Variants in RLF observed in about 807,000 individuals in gnomAD.
RLF encodes the protein RLF zinc finger, also known as zinc finger protein Rlf.
Under a neutral mutation model 162.9 loss-of-function variants are expected in RLF, and 7 were observed. The observed-to-expected ratio is 0.04, with a 90% CI of 0.02 to 0.08. RLF has a LOEUF of 0.08. Among genes scored for constraint, RLF ranks in the 10% least tolerant of loss-of-function variants. The probability of loss-of-function intolerance (pLI) is 1.00; values close to 1 mark genes in which losing one functional copy is unlikely to be tolerated. For missense variants in RLF, 1,664 were observed against 2,244.7 expected (o/e 0.74, Z 5.23); for synonymous variants, 782 against 791.5 (o/e 0.99, Z 0.20).
At position 40,193,287 on chromosome 1, in the gene RLF, TTA is replaced by T. The variant is rs563163137; in HGVS notation, c.475-2343_475-2342del. 5.1e-3 allele frequency among the ~76,000 whole-genome samples: 775 copies of T among 152,304 alleles called. 8 individuals are homozygous for T. The highest frequency in any genetic ancestry group is 0.037 in the South Asian group (177 of 4,824). On this transcript the variant is annotated intron_variant, in intron 3 of 7. Coordinates refer to ENST00000372771, the MANE Select transcript of RLF (RefSeq NM_012421.4). ...TTTTTGTAGTTTTATAGATTTAACATTATTTTTAAAAAATAACTTTGCTATAT... is the reference window on the plus strand; with the variant it reads ...TTTTTGTAGTTTTATAGATTTAACATTTTTTAAAAAATAACTTTGCTATAT...
chr1:40,196,559 G>T (rs1227959550), intron 4 of RLF, among the ~76,000 whole-genome samples: 1 of 152,098 alleles, frequency 6.6e-6, no homozygotes, highest in Non-Finnish European at 1.5e-5. Flanking sequence ...GGCTGGAGTG[G>T]CACAATTATG....
At chr1:40,162,649 G>C (rs1642109527) in intron 1 of RLF, among the ~76,000 whole-genome samples, 1 of 152,120 alleles carries the variant, frequency 6.6e-6, no homozygotes, top group African/African-American at 2.4e-5. Flanking sequence ...TTGCTCTGTT[G>C]GTCCGGAGTA....
At chr1:40,214,607 C>G (rs1320338390) in intron 5 of RLF, among the ~76,000 whole-genome samples, 1 of 152,060 alleles carries the variant, frequency 6.6e-6, no homozygotes, top group South Asian at 2.1e-4. Context: ...ATTCAGAGAA[C>G]TAAAGGAAAC....
intron 6 of RLF, among the ~76,000 whole-genome samples, chr1:40,225,908 G>A (rs1423754883): frequency 7.4e-6 from 1 of 135,506 alleles, no homozygotes; most frequent in Admixed American, 7.6e-5. Context: ...AAAAAAAGCC[G>A]GATGGTAGTG....
chr1:40,185,389 C>T (rs1462792873), intron 1 of RLF, among the ~76,000 whole-genome samples: 1 of 150,156 alleles, frequency 6.7e-6, no homozygotes, highest in Non-Finnish European at 1.5e-5. Context: ...CTCGGCCTCC[C>T]AAAGTGCTGG....
At position 40,237,561 on chromosome 1, in the gene RLF, G is replaced by C. The variant is rs1402119249; in HGVS notation, c.2859G>C (p.Lys953Asn). Reference protein sequence around the residue: ...SSMAVCFDGTKFTCGFDGCGS... With the variant: ...SSMAVCFDGTNFTCGFDGCGS... ...TGGCAGTTTGTTTTGACGGGACTAA[G>C]TTTACCTGTGGTTTTGATGGCTGTG... Residue 953 changes from lysine to asparagine, a missense_variant, in exon 8 of 8, where the codon AAG (lysine) becomes AAC (asparagine). Lys to Asn is a moderately conservative substitution (Grantham distance 94, BLOSUM62 0). Transcript: ENST00000372771. The surrounding 1 kb of genome is among the most constrained non-coding windows in gnomAD (Gnocchi z 4.4). The C allele has an allele frequency of 1.2e-6, 2 of 1,614,132 alleles. No individual in the cohort carries two copies. The highest frequency in any genetic ancestry group is 2.7e-5 in the African/African-American group (2 of 75,038).
At chr1:40,220,981 A>G (rs901267499) in intron 5 of RLF, among the ~76,000 whole-genome samples, 2 of 151,604 alleles carry the variant, frequency 1.3e-5, no homozygotes, top group African/African-American at 4.8e-5. Flanking sequence ...AAAAAAAAAA[A>G]AAAAAAAAGG....
Position 40,170,603 on chromosome 1 carries a change from C to T in RLF, c.237+8967C>T, listed in dbSNP as rs148612746. ...GTTCTTTGAATATACAGTTGGTTCT[C>T]GCTATTTGCAGATACTGTATTTGTG... is the stretch of plus-strand genomic sequence containing the variant. On this transcript the variant is annotated intron_variant, in intron 1 of 7. Transcript: ENST00000372771. Among the ~76,000 whole-genome samples, 53 of 152,196 alleles carry T rather than the reference C, an allele frequency of 3.5e-4. 2 individuals are homozygous for T. The highest frequency in any genetic ancestry group is 1.9e-3 in the East Asian group (10 of 5,188).
At chr1:40,182,774 T>C (rs182947269) in intron 1 of RLF, among the ~76,000 whole-genome samples, 228 of 152,080 alleles carry the variant, frequency 1.5e-3, no homozygotes, top group African/African-American at 5.2e-3. Flanking sequence ...GATAGATAGA[T>C]AGATAGATAG....
At chr1:40,179,134 CT>C (rs1215760211) in intron 1 of RLF, among the ~76,000 whole-genome samples, 4 of 152,220 alleles carry the variant, frequency 2.6e-5, no homozygotes, top group African/African-American at 9.7e-5. Context: ...CACACCCAGC[CT>C]TTACCACCAT....
intron 5 of RLF, among the ~76,000 whole-genome samples, chr1:40,219,982 C>T (rs1570553930): frequency 6.6e-6 from 1 of 152,120 alleles, no homozygotes; most frequent in East Asian, 1.9e-4. Flanking sequence ...TGCGGTGGCT[C>T]ACGCCTGTAA....
At chr1:40,204,595 A>AT (rs1332294409) in intron 5 of RLF, among the ~76,000 whole-genome samples, 1 of 150,402 alleles carries the variant, frequency 6.6e-6, no homozygotes, top group African/African-American at 2.4e-5. Context: ...TTTATTTTTT[A>AT]TTTTTTTGGA....
Position 40,161,685 on chromosome 1 carries a change from G to A in RLF, c.237+49G>A, listed in dbSNP as rs747770389. On this transcript the variant is annotated intron_variant, in intron 1 of 7. Transcript: ENST00000372771. This position sits in a 1 kb window ranked among gnomAD's most constrained non-coding sequence, Gnocchi z 4.4. The stretch of plus-strand genomic sequence containing the variant: ...AGGGCGGCGGGGCGGGGAAGTCAGG[G>A]AAGGAGGCCCTGGATCCTCTGTAAG... 6.3e-7 allele frequency: 1 copy of A among 1,597,082 alleles called. No homozygotes were observed.
Position 40,236,298 on chromosome 1 carries a change from T to C in RLF, c.1596T>C (p.His532=). Reference sequence around the variant, plus strand: ...GAAGAAGAGATTTGACAGATCAGCATAAGGAGAAAAGAGACAAAAAACCTA... The same window carrying C: ...GAAGAAGAGATTTGACAGATCAGCACAAGGAGAAAAGAGACAAAAAACCTA... The part of the protein sequence containing the change: ...QYRRRDLTDQ[H]KEKRDKKPIG... Residue 532 remains histidine (H), a synonymous_variant, in exon 8 of 8, where the codon CAT becomes CAC. Transcript: ENST00000372771. The surrounding 1 kb of genome is among the most constrained non-coding windows in gnomAD (Gnocchi z 7.7). 3 of 1,613,888 alleles carry C rather than the reference T, an allele frequency of 1.9e-6. No individual in the cohort carries two copies. Among genetic ancestry groups the C allele is most frequent in the Non-Finnish European group, 2.5e-6 (3 of 1,179,964 alleles).
At chr1:40,214,481 T>G (rs1425509894) in intron 5 of RLF, among the ~76,000 whole-genome samples, 1 of 152,238 alleles carries the variant, frequency 6.6e-6, no homozygotes, top group African/African-American at 2.4e-5. Context: ...CTGCGCATGT[T>G]TGTGAAGTGA....
chr1:40,194,586 CAA>C (rs554986416), intron 3 of RLF, among the ~76,000 whole-genome samples: 4 of 131,876 alleles, frequency 3.0e-5, no homozygotes, highest in Admixed American at 7.8e-5. Flanking sequence ...ACTCCATCTC[CAA>C]AAAAAAAAAA....
chr1:40,185,223 C>T (rs989403081), intron 1 of RLF, among the ~76,000 whole-genome samples: 1 of 151,662 alleles, frequency 6.6e-6, no homozygotes, highest in Non-Finnish European at 1.5e-5. Context: ...GAACTCTAGC[C>T]GGGTTCAAGC....
chr1:40,230,421 T>G (rs184546388), intron 6 of RLF, among the ~76,000 whole-genome samples: 16 of 151,914 alleles, frequency 1.1e-4, no homozygotes, highest in East Asian at 1.9e-4. Context: ...TAGTTTAGTG[T>G]TTTTTTTGTT....
intron 7 of RLF, among the ~76,000 whole-genome samples, chr1:40,232,216 TA>T (rs536086286): frequency 1.6e-3 from 224 of 140,714 alleles, no homozygotes; most frequent in East Asian, 2.9e-3. Context: ...TTTTTTTTTT[TA>T]AAAAAAAAAA....
Sources: gnomAD v4.1 joint callset for allele counts (sites outside exome capture counted in the v4.1 genomes callset) on GRCh38, gnomAD v4.1.1 for gene constraint, Gnocchi (gnomAD v3.1) non-coding constraint, MANE v1.5 for transcripts, NCBI Gene and HGNC (gene_info 2026-07-23, HGNC 2026-07-21) for gene names.